Variants in PRKN observed in about 807,000 individuals in gnomAD.
The protein encoded by PRKN is parkin RBR E3 ubiquitin protein ligase.
A neutral mutation model predicts 59.5 loss-of-function variants in PRKN; 56 were observed. The observed-to-expected ratio is 0.94, with a 90% CI of 0.76 to 1.18. The LOEUF (loss-of-function observed/expected upper bound fraction) is 1.18. PRKN is among the 50% of genes most tolerant of loss of function. The pLI is 0.00. For synonymous variants in PRKN, 250 were observed against 222.1 expected, an observed-to-expected ratio of 1.13 and a Z score of -1.12; for missense variants, 657 against 596.4, an observed-to-expected ratio of 1.10 and a Z score of -1.06.
intron 4 of PRKN, among the ~76,000 whole-genome samples, chr6:162,135,891 C>A (rs966619365): frequency 6.6e-6 from 1 of 151,966 alleles, no homozygotes; most frequent in Non-Finnish European, 1.5e-5. Context: ...TTAGGATGAA[C>A]TAAGTAATAT....
chr6:162,017,192 A>G (rs1308747616), intron 5 of PRKN, among the ~76,000 whole-genome samples: 1 of 152,174 alleles, frequency 6.6e-6, no homozygotes, highest in Non-Finnish European at 1.5e-5. Context: ...GATATATCTT[A>G]TGGAGTCAGC....
At chr6:162,451,250 G>A (rs374019041) in intron 1 of PRKN, among the ~76,000 whole-genome samples, 7 of 151,014 alleles carry the variant, frequency 4.6e-5, no homozygotes, top group South Asian at 4.2e-4. Flanking sequence ...AACCATGAAA[G>A]TAAACCATTC....
chr6:161,511,301 T>C (rs1382115570), intron 9 of PRKN, among the ~76,000 whole-genome samples: 1 of 152,128 alleles, frequency 6.6e-6, no homozygotes, highest in Non-Finnish European at 1.5e-5. Flanking sequence ...ATAAACACAA[T>C]CTAGATTGCT....
At chr6:161,919,862 T>C (rs1200384676) in intron 6 of PRKN, among the ~76,000 whole-genome samples, 1 of 152,206 alleles carries the variant, frequency 6.6e-6, no homozygotes, top group Non-Finnish European at 1.5e-5. Context: ...AAAAATCACA[T>C]TCCTATCCTC....
chr6:161,631,128 T>C (rs997128019), intron 7 of PRKN, among the ~76,000 whole-genome samples: 10 of 151,878 alleles, frequency 6.6e-5, no homozygotes, highest in African/African-American at 2.4e-4. Flanking sequence ...TGATTGGGGG[T>C]GAGTACATCA....
intron 7 of PRKN, among the ~76,000 whole-genome samples, chr6:161,612,718 CAAAAAAAAAAA>C (rs57084261): frequency 3.4e-5 from 2 of 59,630 alleles, no homozygotes; most frequent in African/African-American, 1.3e-4. Context: ...GACTCCATCT[CAAAAAAAAAAA>C]AAAAAAAAAA....
chr6:162,678,039 T>A (rs1779619392), intron 1 of PRKN, among the ~76,000 whole-genome samples: 1 of 152,224 alleles, frequency 6.6e-6, no homozygotes, highest in African/African-American at 2.4e-5. Flanking sequence ...CTGGAATTTA[T>A]ACAAGTCAAA....
In PRKN at chr6:162,464,659, CAA is replaced by C. The variant is rs1164797005; in HGVS notation, c.8-21188_8-21187del. Among the ~76,000 whole-genome samples the C allele has an allele frequency of 5.4e-3, 435 of 79,898 alleles. 1 individual carries two copies. Among genetic ancestry groups the C allele is most frequent in the African/African-American group, 0.018 (410 of 23,208 alleles). The allele number at this position is 79,898 out of a possible 152,430, so 52.4% of individuals were successfully genotyped here. ...TGATAACCCATCTCTACTAAAAATACAAAAAAAAAAAAAAAAAAAATTAGCCA... is the reference window on the plus strand; with the variant it reads ...TGATAACCCATCTCTACTAAAAATACAAAAAAAAAAAAAAAAAATTAGCCA... On this transcript the variant is annotated intron_variant, in intron 1 of 11. Transcript: ENST00000366898.
At chr6:162,412,931 A>G (rs186837179) in intron 2 of PRKN, among the ~76,000 whole-genome samples, 1 of 152,326 alleles carries the variant, frequency 6.6e-6, no homozygotes, top group East Asian at 1.9e-4. Flanking sequence ...AAACTTTCAA[A>G]ACAATAAGAG....
At position 161,551,172 on chromosome 6, in the gene PRKN, A is replaced by AGTT. The variant is rs1780000208; in HGVS notation, c.934-2172_934-2170dup. On this transcript the variant is annotated intron_variant, in intron 8 of 11. Coordinates refer to ENST00000366898, the MANE Select transcript of PRKN (RefSeq NM_004562.3). The surrounding 1 kb of genome is among the most constrained non-coding windows in gnomAD (Gnocchi z 5.2). ...TTCATCAGGTAATGAATGATGAGAC[A>AGTT]GTTTATGTAACTGAGAGATTGCCTG... Among the ~76,000 whole-genome samples, 3 of 152,186 alleles carry AGTT rather than the reference A, an allele frequency of 2.0e-5. No homozygotes were observed. The South Asian group carries it at 6.2e-4, about 31-fold the overall frequency.
At position 162,384,508 on chromosome 6, in the gene PRKN, A is replaced by G. The variant is rs968140638; in HGVS notation, c.171+58802T>C. Reference sequence around the variant, plus strand: ...GATCAAAGATCACCGCTCACAGATCACCAAAGCAGATAAAGTGATAAACTT... The same window carrying G: ...GATCAAAGATCACCGCTCACAGATCGCCAAAGCAGATAAAGTGATAAACTT... On this transcript the variant is annotated intron_variant, in intron 2 of 11. Transcript: ENST00000366898. 2.6e-5 allele frequency among the ~76,000 whole-genome samples: 4 copies of G among 152,268 alleles called. No homozygotes were observed. The East Asian group carries it at 7.7e-4, about 29-fold the overall frequency.
chr6:162,697,272 A>C (rs1778004095), intron 1 of PRKN, among the ~76,000 whole-genome samples: 1 of 152,186 alleles, frequency 6.6e-6, no homozygotes, highest in Admixed American at 6.5e-5. Context: ...CGTAATAAAA[A>C]ATTATACAGA....
In PRKN at chr6:161,391,007, G is replaced by A. The variant is rs1786480913; in HGVS notation, c.1084-4130C>T. Among the ~76,000 whole-genome samples, 1 of 152,080 alleles carries A rather than the reference G, an allele frequency of 6.6e-6. No individual in the cohort carries two copies. Among genetic ancestry groups the A allele is most frequent in the African/African-American group, 2.4e-5 (1 of 41,374 alleles). On this transcript the variant is annotated intron_variant, in intron 9 of 11. Transcript: ENST00000366898. This position sits in a 1 kb window ranked among gnomAD's most constrained non-coding sequence, Gnocchi z 4.9. ...AAGGGCATGGGGAACAGAATTCTGG[G>A]GAACTCTGGGTTAGGCAGATACAAA...
chr6:161,887,129 T>C (rs1356110920), intron 6 of PRKN, among the ~76,000 whole-genome samples: 1 of 152,228 alleles, frequency 6.6e-6, no homozygotes, highest in East Asian at 1.9e-4. Context: ...TAAGTTGTAC[T>C]GTAAGAGATG....
At chr6:161,408,261 T>C (rs1787366675) in intron 9 of PRKN, among the ~76,000 whole-genome samples, 1 of 146,248 alleles carries the variant, frequency 6.8e-6, no homozygotes, top group African/African-American at 2.5e-5. Context: ...TCATTAAACA[T>C]GGCGTTAGAG....
At chr6:161,928,766 C>G (rs1677008288) in intron 6 of PRKN, among the ~76,000 whole-genome samples, 1 of 152,136 alleles carries the variant, frequency 6.6e-6, no homozygotes, top group Admixed American at 6.6e-5. Flanking sequence ...GAAACTTGAT[C>G]AAGGTCACAT....
chr6:161,682,484 A>G (rs889739135), intron 7 of PRKN, among the ~76,000 whole-genome samples: 1 of 152,158 alleles, frequency 6.6e-6, no homozygotes, highest in Non-Finnish European at 1.5e-5. Context: ...GGACTGAGGA[A>G]CAAGACTACC....
chr6:162,083,765 A>G (rs572488259), intron 4 of PRKN, among the ~76,000 whole-genome samples: 1 of 152,100 alleles, frequency 6.6e-6, no homozygotes, highest in East Asian at 1.9e-4. Context: ...AAAACACAGT[A>G]CCCTTCATTC....
intron 2 of PRKN, among the ~76,000 whole-genome samples, chr6:162,413,728 C>G (rs529356908): frequency 1.3e-5 from 2 of 152,138 alleles, no homozygotes; most frequent in Non-Finnish European, 2.9e-5. Flanking sequence ...GTTATTCTTT[C>G]ATGTTTTTTG....
Sources: gnomAD v4.1 joint callset for allele counts (sites outside exome capture counted in the v4.1 genomes callset) on GRCh38, gnomAD v4.1.1 for gene constraint, Gnocchi (gnomAD v3.1) non-coding constraint, MANE v1.5 for transcripts, NCBI Gene and HGNC (gene_info 2026-07-23, HGNC 2026-07-21) for gene names.